Variants in TMA16 observed in about 807,000 individuals in gnomAD.
The protein encoded by TMA16 is translation machinery associated 16 homolog, also known as translation machinery-associated protein 16.
TMA16 carries 26 observed loss-of-function variants against 27.1 expected under a neutral mutation model. The ratio of observed to expected loss-of-function variants is 0.96; its 90% CI spans 0.70 to 1.33. The LOEUF (loss-of-function observed/expected upper bound fraction) is 1.33, where lower values mean the gene tolerates loss of function less well. Ranked by LOEUF, TMA16 falls within the 40% of genes most tolerant of loss-of-function variation. TMA16 has a pLI of 0.00. For synonymous variants in TMA16, 71 were observed against 81.9 expected (o/e 0.87, Z 0.72); for missense variants, 233 against 241.4 (o/e 0.97, Z 0.23).
At chr4:163,496,581 G>A (rs930742262) in intron 1 of TMA16, among the ~76,000 whole-genome samples, 1 of 151,952 alleles carries the variant, frequency 6.6e-6, no homozygotes, top group Non-Finnish European at 1.5e-5. Flanking sequence ...GCATTAAAAA[G>A]GTTTTTAGTG....
Position 163,517,971 on chromosome 4 carries a change from G to GT in TMA16, c.431+507dup, listed in dbSNP as rs10718981. 6.9e-3 allele frequency among the ~76,000 whole-genome samples: 1,014 copies of GT among 147,620 alleles called. 7 individuals are homozygous for GT. Among genetic ancestry groups the GT allele is most frequent in the African/African-American group, 0.022 (865 of 40,214 alleles). Reference sequence around the variant, plus strand: ...ACCGAGTAGGATTTCGATTTTTTAGGTTTTTTTTTTTTCTTTTTTCAACTT... The same window carrying GT: ...ACCGAGTAGGATTTCGATTTTTTAGGTTTTTTTTTTTTTCTTTTTTCAACTT... On this transcript the variant is annotated intron_variant, in intron 6 of 6. Transcript: ENST00000358572.
Position 163,519,963 on chromosome 4 carries a change from C to A in TMA16, c.*449C>A. The stretch of plus-strand genomic sequence containing the variant: ...CTAATGCTTCTTTTAAACATTAAAC[C>A]TATTTTCCTTTTTTACAGAATAAGG... On this transcript the variant is annotated 3_prime_UTR_variant, in exon 7 of 7. Coordinates refer to ENST00000358572, the MANE Select transcript of TMA16 (RefSeq NM_018352.3). The A allele has an allele frequency of 1.7e-6, 1 of 595,366 alleles. No individual in the cohort carries two copies. The highest frequency in any genetic ancestry group is 1.7e-5 in the South Asian group (1 of 58,176). 36.9% of individuals were successfully genotyped at this position (595,366 alleles called of 1,614,324 possible). A position where few individuals can be genotyped will look rare whatever the true frequency, so the allele number is the denominator to read the frequency against.
intron 1 of TMA16, among the ~76,000 whole-genome samples, chr4:163,500,919 G>A (rs1178720989): frequency 5.3e-5 from 8 of 152,184 alleles, no homozygotes; most frequent in Admixed American, 3.3e-4. Context: ...TAGAAGGCAA[G>A]TACTATTGTA....
intron 1 of TMA16, among the ~76,000 whole-genome samples, chr4:163,504,555 T>G (rs1005676674): frequency 1.3e-5 from 2 of 152,188 alleles, no homozygotes; most frequent in African/African-American, 4.8e-5. Flanking sequence ...TAGAGTGCAG[T>G]GGTGCCATCT....
intron 3 of TMA16, 91 bp from the exon 4 acceptor site, chr4:163,513,983 T>G: frequency 9.7e-7 from 1 of 1,026,808 alleles, no homozygotes; most frequent in South Asian, 1.9e-5. Flanking sequence ...GGTTCTGTTT[T>G]AAACACGTTA....
chr4:163,512,762 CAG>C (rs1560915377), intron 2 of TMA16, 58 bp from the exon 3 acceptor site: 1 of 1,316,340 alleles, frequency 7.6e-7, no homozygotes. Context: ...TTGTTATTGT[CAG>C]AGTTTTAAAA....
At chr4:163,508,180 G>C (rs376649955) in intron 2 of TMA16, among the ~76,000 whole-genome samples, 34 of 151,956 alleles carry the variant, frequency 2.2e-4, no homozygotes, top group East Asian at 9.6e-4. Flanking sequence ...TGATTTATTA[G>C]TACTGTGATT....
chr4:163,496,506 G>C (rs189949016), intron 1 of TMA16, among the ~76,000 whole-genome samples: 139 of 152,162 alleles, frequency 9.1e-4, no homozygotes, highest in African/African-American at 3.3e-3. Flanking sequence ...TCAAAATTTA[G>C]TTTACCTGTT....
At chr4:163,512,267 T>C (rs2110807126) in intron 2 of TMA16, among the ~76,000 whole-genome samples, 1 of 152,328 alleles carries the variant, frequency 6.6e-6, no homozygotes, top group Non-Finnish European at 1.5e-5. Context: ...GGCAAAGACT[T>C]GGTATCCAGA....
intron 2 of TMA16, among the ~76,000 whole-genome samples, chr4:163,508,722 A>G (rs4555585): frequency 0.78 from 118,707 of 152,124 alleles, 46,775 homozygotes; most frequent in East Asian, 0.89. Context: ...GTGGTATGAT[A>G]TGCAATATTT....
intron 4 of TMA16, 39 bp from the exon 5 acceptor site, chr4:163,515,274 T>C (rs759798549): frequency 2.5e-6 from 4 of 1,579,612 alleles, no homozygotes; most frequent in East Asian, 2.2e-5. Context: ...CCAATACATA[T>C]ACTTTGTATG....
chr4:163,500,068 A>G (rs79302024), intron 1 of TMA16, among the ~76,000 whole-genome samples: 1,658 of 152,334 alleles, frequency 0.011, 26 homozygotes, highest in African/African-American at 0.036. Context: ...CTTGCTAAGT[A>G]GTGACTATTT....
chr4:163,499,240 CT>C (rs773060806), intron 1 of TMA16, among the ~76,000 whole-genome samples: 8 of 151,922 alleles, frequency 5.3e-5, no homozygotes, highest in Non-Finnish European at 1.2e-4. Flanking sequence ...ATAATTAACT[CT>C]TTTGTTTGTG....
intron 1 of TMA16, among the ~76,000 whole-genome samples, chr4:163,501,036 A>G (rs1158669580): frequency 6.6e-6 from 1 of 152,210 alleles, no homozygotes; most frequent in Non-Finnish European, 1.5e-5. Context: ...TAAATGAGGT[A>G]AACATTTTTA....
chr4:163,495,270 C>T lies in TMA16; in HGVS notation c.3+466C>T, dbSNP rs540156397. 2.0e-5 allele frequency among the ~76,000 whole-genome samples: 3 copies of T among 152,304 alleles called. No individual in the cohort carries two copies. In the South Asian group the frequency reaches 6.2e-4, roughly 32 times the overall value. Reference sequence around the variant, plus strand: ...TGAATCCTGCCGTTACGCCCCCATTCGCTCCAGGGCACTGAAGCAGTTTTG... The same window carrying T: ...TGAATCCTGCCGTTACGCCCCCATTTGCTCCAGGGCACTGAAGCAGTTTTG... On this transcript the variant is annotated intron_variant, in intron 1 of 6. Transcript: ENST00000358572.
chr4:163,506,594 G>A (rs1225098264), intron 1 of TMA16, among the ~76,000 whole-genome samples: 1 of 152,098 alleles, frequency 6.6e-6, no homozygotes, highest in African/African-American at 2.4e-5. Flanking sequence ...CTTTGATTTT[G>A]CATGATTCAT....
intron 4 of TMA16, 54 bp downstream of exon 4, chr4:163,514,212 T>C (rs1737843083): frequency 1.4e-6 from 2 of 1,422,202 alleles, no homozygotes; most frequent in African/African-American, 1.4e-5. Context: ...TTGTCCAGCC[T>C]GGTTCTTTAA....
At position 163,519,776 on chromosome 4, in the gene TMA16, C is replaced by A; in HGVS notation, c.*262C>A. ...ATCTGAATTTCAGGCTGGGAGGGAGCAATATAACTAAGGACAAAAAATGTT... is the reference window on the plus strand; with the variant it reads ...ATCTGAATTTCAGGCTGGGAGGGAGAAATATAACTAAGGACAAAAAATGTT... On this transcript the variant is annotated 3_prime_UTR_variant, in exon 7 of 7. Coordinates refer to ENST00000358572, the MANE Select transcript of TMA16 (RefSeq NM_018352.3). 1 of 501,462 alleles carries A rather than the reference C, an allele frequency of 2.0e-6. No homozygotes were observed. The highest frequency in any genetic ancestry group is 3.5e-6 in the Non-Finnish European group (1 of 288,932). 31.1% of individuals were successfully genotyped at this position (501,462 alleles called of 1,614,324 possible).
chr4:163,499,908 A>G (rs1024505929), intron 1 of TMA16, among the ~76,000 whole-genome samples: 2 of 152,206 alleles, frequency 1.3e-5, no homozygotes, highest in Non-Finnish European at 2.9e-5. Context: ...CAAATAAATA[A>G]GTAGCTCAGC....
Sources: allele counts gnomAD v4.1 joint callset (sites outside exome capture counted in the v4.1 genomes callset), GRCh38; gene constraint gnomAD v4.1.1; transcripts MANE v1.5; gene names NCBI Gene and HGNC (gene_info 2026-07-23, HGNC 2026-07-21).